Variants in PTPN13 observed in about 807,000 individuals in gnomAD.
The protein encoded by PTPN13 is protein tyrosine phosphatase non-receptor type 13, also known as tyrosine-protein phosphatase non-receptor type 13.
PTPN13 carries 191 observed loss-of-function variants against 284.0 expected under a neutral mutation model. The observed-to-expected ratio is 0.67, with a 90% CI of 0.60 to 0.76. PTPN13 has a LOEUF of 0.76. Among genes scored for constraint, PTPN13 ranks in the 30% least tolerant of loss-of-function variants. PTPN13 has a pLI of 0.00. For synonymous variants in PTPN13, 986 were observed against 1,022.3 expected, an observed-to-expected ratio of 0.96 and a Z score of 0.68; for missense variants, 2,797 against 2,939.9, an observed-to-expected ratio of 0.95 and a Z score of 1.12.
Position 86,672,360 on chromosome 4 carries a change from A to G in PTPN13, c.116-5A>G. On this transcript the variant is annotated splice_polypyrimidine_tract_variant and splice_region_variant and intron_variant, in intron 2 of 47. Transcript: ENST00000411767. ...ATTTTTTATTTTGGTGCAATTACAAACCAGTAAGCCTAGCTGATCCTGCTG... is the reference window on the plus strand; with the variant it reads ...ATTTTTTATTTTGGTGCAATTACAAGCCAGTAAGCCTAGCTGATCCTGCTG... 1 of 1,512,398 alleles carries G rather than the reference A, an allele frequency of 6.6e-7. No individual in the cohort carries two copies. Among genetic ancestry groups the G allele is most frequent in the Non-Finnish European group, 8.8e-7 (1 of 1,134,472 alleles). 93.7% of individuals were successfully genotyped at this position (1,512,398 alleles called of 1,614,324 possible).
chr4:86,657,590 C>CTT (rs57089745), intron 2 of PTPN13, among the ~76,000 whole-genome samples: 1,667 of 152,290 alleles, frequency 0.011, 28 homozygotes, highest in African/African-American at 0.037. Context: ...CACCTGAAGG[C>CTT]TTGCAGACCA....
At chr4:86,801,389 CAG>C (rs1449259560) in intron 42 of PTPN13, among the ~76,000 whole-genome samples, 3 of 152,126 alleles carry the variant, frequency 2.0e-5, no homozygotes, top group Admixed American at 6.6e-5. Context: ...AAAGTAGTAA[CAG>C]AATTAAATTT....
chr4:86,666,412 CTT>C (rs1491380336), intron 2 of PTPN13, among the ~76,000 whole-genome samples: 1 of 152,076 alleles, frequency 6.6e-6, no homozygotes, highest in Non-Finnish European at 1.5e-5. Context: ...TCTTCTCTCT[CTT>C]CTCTCTCTCT....
intron 16 of PTPN13, among the ~76,000 whole-genome samples, chr4:86,742,837 G>C (rs1370743120): frequency 6.6e-6 from 1 of 152,122 alleles, no homozygotes. Flanking sequence ...GTTTTGAAAA[G>C]GTGACAAGTC....
In PTPN13 at chr4:86,768,679, A is replaced by T. The variant is rs16996051; in HGVS notation, c.4489+703A>T. 3.7e-3 allele frequency among the ~76,000 whole-genome samples: 552 copies of T among 151,068 alleles called. 12 individuals are homozygous for T. The highest frequency in any genetic ancestry group is 0.024 in the Admixed American group (361 of 15,136). On this transcript the variant is annotated intron_variant, in intron 28 of 47. Coordinates refer to ENST00000411767, the MANE Select transcript of PTPN13 (RefSeq NM_080683.3). ...ATAAAATTAATGTACTCATTTTATC[A>T]TACTGCTCTTTATTCTTTATTTCTT...
intron 5 of PTPN13, among the ~76,000 whole-genome samples, chr4:86,692,059 T>C (rs1026861): frequency 0.27 from 40,737 of 152,108 alleles, 5,609 homozygotes; most frequent in Admixed American, 0.31. Flanking sequence ...AGCTGCTTTG[T>C]GGTCCTTAGA....
At position 86,716,523 on chromosome 4, in the gene PTPN13, C is replaced by T. The variant is rs724159898; in HGVS notation, c.1196-7C>T. The T allele has an allele frequency of 6.5e-7, 1 of 1,530,282 alleles. No individual in the cohort carries two copies. Among genetic ancestry groups the T allele is most frequent in the Non-Finnish European group, 8.8e-7 (1 of 1,130,282 alleles). The allele number at this position is 1,530,282 out of a possible 1,614,324, so 94.8% of individuals were successfully genotyped here. A position where few individuals can be genotyped will look rare whatever the true frequency, so the allele number is the denominator to read the frequency against. On this transcript the variant is annotated splice_region_variant and splice_polypyrimidine_tract_variant and intron_variant, in intron 7 of 47. Transcript: ENST00000411767. ...GCTTTCTAATCTTTTTGTTTTAATC[C>T]TTTTAGAACCAGTTCGAAGATACAA...
intron 2 of PTPN13, among the ~76,000 whole-genome samples, chr4:86,650,029 CG>C (rs1724896208): frequency 6.6e-6 from 1 of 152,018 alleles, no homozygotes; most frequent in Non-Finnish European, 1.5e-5. Context: ...TCTCTCACCC[CG>C]GCTGGAGTCC....
intron 2 of PTPN13, among the ~76,000 whole-genome samples, chr4:86,638,587 G>C (rs544911447): frequency 7.2e-5 from 11 of 152,146 alleles, no homozygotes; most frequent in East Asian, 3.9e-4. Context: ...GAAACGATTC[G>C]CTATTTAATA....
At chr4:86,651,511 G>A (rs1212577920) in intron 2 of PTPN13, among the ~76,000 whole-genome samples, 1 of 151,758 alleles carries the variant, frequency 6.6e-6, no homozygotes, top group Non-Finnish European at 1.5e-5. Flanking sequence ...AATGAGTTTG[G>A]AAGTATTCCC....
Position 86,717,005 on chromosome 4 carries a change from C to A in PTPN13, c.1292-19C>A, listed in dbSNP as rs765066995. 1.9e-6 allele frequency: 3 copies of A among 1,563,028 alleles called. No individual in the cohort carries two copies. In the South Asian group the frequency reaches 3.4e-5, roughly 18 times the overall value. On this transcript the variant is annotated intron_variant, in intron 8 of 47. Coordinates refer to ENST00000411767, the MANE Select transcript of PTPN13 (RefSeq NM_080683.3). ...GTTTCTATCACCTGTGCCATTATTT[C>A]TTTTTCATTCATAATTAGTGAGAAG...
At chr4:86,762,175 G>A (rs867792520) in intron 23 of PTPN13, among the ~76,000 whole-genome samples, 15 of 152,180 alleles carry the variant, frequency 9.9e-5, no homozygotes, top group African/African-American at 3.6e-4. Context: ...GTTTCACCAT[G>A]TTGGGCAGGC....
At chr4:86,606,117 A>G (rs1764717767) in intron 1 of PTPN13, among the ~76,000 whole-genome samples, 1 of 151,778 alleles carries the variant, frequency 6.6e-6, no homozygotes, top group Admixed American at 6.6e-5. Flanking sequence ...TAAGCCAACT[A>G]TTGATTGAAT....
At chr4:86,598,501 G>A (rs1272598178) in intron 1 of PTPN13, among the ~76,000 whole-genome samples, 1 of 151,048 alleles carries the variant, frequency 6.6e-6, no homozygotes, top group East Asian at 1.9e-4. Flanking sequence ...TTAAGTGCAA[G>A]CTGACAGTAT....
chr4:86,797,101 G>A (rs989417415), intron 41 of PTPN13, among the ~76,000 whole-genome samples, 172 bp downstream of exon 41: 1 of 152,192 alleles, frequency 6.6e-6, no homozygotes, highest in Non-Finnish European at 1.5e-5. Flanking sequence ...GCTCATGCCT[G>A]TAATCCCAGT....
At chr4:86,730,815 T>A (rs902900055) in intron 10 of PTPN13, among the ~76,000 whole-genome samples, 1 of 152,236 alleles carries the variant, frequency 6.6e-6, no homozygotes, top group East Asian at 1.9e-4. Flanking sequence ...CTGCACCCAC[T>A]GTCCAACCAG....
chr4:86,770,081 G>A lies in PTPN13; in HGVS notation c.4705-20G>A. The stretch of plus-strand genomic sequence containing the variant: ...TGCTGGTTTAACTGTACCTTCATTT[G>A]TCATTCATGGTACCCCCAGGAAGTC... On this transcript the variant is annotated intron_variant, in intron 29 of 47. Transcript: ENST00000411767. 6.2e-7 allele frequency: 1 copy of A among 1,612,020 alleles called. No individual in the cohort carries two copies. Among genetic ancestry groups the A allele is most frequent in the African/African-American group, 1.3e-5 (1 of 74,996 alleles).
intron 20 of PTPN13, among the ~76,000 whole-genome samples, chr4:86,756,789 A>C (rs762805345): frequency 6.6e-6 from 1 of 152,290 alleles, no homozygotes; most frequent in Admixed American, 6.5e-5. Flanking sequence ...TTTTAAGTCC[A>C]TGGGTGGTTA....
rs1565481236 is a variant in PTPN13 at position 86,750,473 on chromosome 4, G to A, written c.2654G>A (p.Arg885Lys). The change falls in exon 18 of 48, where the codon AGA (arginine) becomes AAA (lysine). Residue 885 changes from arginine (R) to lysine (K), a missense_variant. Arg to Lys is a conservative substitution (Grantham distance 26). Coordinates refer to ENST00000411767, the MANE Select transcript of PTPN13 (RefSeq NM_080683.3). The part of the protein sequence containing the change: ...QSNQDAQDIE[R>K]ASFRSLNLQA... ...AAGCAATCCTATTTCCTTGTAGAGA[G>A]AGCTTCGTTTAGGAGCCTGAATCTC... is the stretch of plus-strand genomic sequence containing the variant. 6.2e-7 allele frequency: 1 copy of A among 1,611,078 alleles called. No homozygotes were observed. Among genetic ancestry groups the A allele is most frequent in the Admixed American group, 1.7e-5 (1 of 59,676 alleles).
Sources: allele counts gnomAD v4.1 joint callset (sites outside exome capture counted in the v4.1 genomes callset), GRCh38; gene constraint gnomAD v4.1.1; transcripts MANE v1.5; gene names NCBI Gene and HGNC (gene_info 2026-07-23, HGNC 2026-07-21).